The following ALK variants were observed in gnomAD, a reference collection of about 807,000 sequenced individuals.
ALK encodes ALK receptor tyrosine kinase.
Under a neutral mutation model 163.1 loss-of-function variants are expected in ALK, and 74 were observed. The ratio of observed to expected loss-of-function variants is 0.45; its 90% CI spans 0.38 to 0.55. ALK has a LOEUF of 0.55. Ranked by LOEUF, ALK falls within the 20% of genes least tolerant of loss-of-function variation. The pLI, the probability that ALK is intolerant of heterozygous loss-of-function variation, is 0.00. For missense variants in ALK, 2,063 were observed against 2,105.3 expected (o/e 0.98, Z 0.39); for synonymous variants, 960 against 843.2 (o/e 1.14, Z -2.40).
At chr2:29,560,070 A>G (rs1673978672) in intron 3 of ALK, among the ~76,000 whole-genome samples, 2 of 152,226 alleles carry the variant, frequency 1.3e-5, no homozygotes, top group East Asian at 3.8e-4. Context: ...TGTGGTTAAC[A>G]TATATCTAGC....
intron 1 of ALK, among the ~76,000 whole-genome samples, chr2:29,910,395 T>G (rs186205390): frequency 6.6e-6 from 1 of 152,218 alleles, no homozygotes. Flanking sequence ...CATAAAAGTA[T>G]AGCACAATTG....
intron 3 of ALK, among the ~76,000 whole-genome samples, chr2:29,536,460 T>C (rs1673258763): frequency 6.6e-6 from 1 of 152,186 alleles, no homozygotes; most frequent in Non-Finnish European, 1.5e-5. Context: ...TAGAAACAGA[T>C]GTCATTGCCA....
intron 1 of ALK, among the ~76,000 whole-genome samples, chr2:29,740,083 T>A (rs1045559193): frequency 6.6e-6 from 1 of 152,074 alleles, no homozygotes. Context: ...TTCCCTAGTT[T>A]AGTAGAACCT....
chr2:29,339,353 A>G (rs1182697095), intron 5 of ALK, among the ~76,000 whole-genome samples: 1 of 152,156 alleles, frequency 6.6e-6, no homozygotes, highest in Non-Finnish European at 1.5e-5. Context: ...GGAAACTGCA[A>G]GGCTGGGGGT....
chr2:29,560,946 A>G (rs1290438742), intron 3 of ALK, among the ~76,000 whole-genome samples: 1 of 152,040 alleles, frequency 6.6e-6, no homozygotes, highest in East Asian at 1.9e-4. Flanking sequence ...TAGTATACAA[A>G]TTGTACCTGA....
At chr2:29,289,094 T>C (rs6723232) in intron 9 of ALK, among the ~76,000 whole-genome samples, 1,880 of 152,276 alleles carry the variant, frequency 0.012, 27 homozygotes, top group East Asian at 0.063. Flanking sequence ...CAGTTTCTCA[T>C]TGATAAACTA....
At chr2:29,237,901 CT>C (rs1159301585) in intron 13 of ALK, among the ~76,000 whole-genome samples, 1 of 152,216 alleles carries the variant, frequency 6.6e-6, no homozygotes, top group Non-Finnish European at 1.5e-5. Flanking sequence ...ATCCCCGCCC[CT>C]AGCCACAAAG....
intron 16 of ALK, 66 bp downstream of exon 16, chr2:29,228,818 C>T: frequency 9.3e-7 from 1 of 1,072,944 alleles, no homozygotes; most frequent in South Asian, 1.3e-5. Context: ...GAGGGCAGGG[C>T]AGGGAGGTGA....
At chr2:29,516,293 C>T (rs775541752) in intron 4 of ALK, among the ~76,000 whole-genome samples, 1 of 152,180 alleles carries the variant, frequency 6.6e-6, no homozygotes, top group Non-Finnish European at 1.5e-5. Context: ...CACACCTGTC[C>T]TGAAACAGGG....
chr2:29,907,082 A>G (rs1410412940), intron 1 of ALK: 4 of 151,426 alleles, frequency 2.6e-5, no homozygotes, highest in Non-Finnish European at 5.9e-5. Flanking sequence ...CCCGAGTAGC[A>G]GAAATATTTT....
intron 1 of ALK, among the ~76,000 whole-genome samples, chr2:29,858,130 T>A (rs1419464017): frequency 6.6e-6 from 1 of 152,114 alleles, no homozygotes. Flanking sequence ...AGTTTCTGTA[T>A]CCATCACCAC....
chr2:29,450,594 G>A (rs1465161032), intron 4 of ALK, among the ~76,000 whole-genome samples: 2 of 151,756 alleles, frequency 1.3e-5, no homozygotes, highest in East Asian at 3.9e-4. Context: ...AAAAATGAAG[G>A]GTAATTCTTT....
At chr2:29,508,691 T>C (rs1672414474) in intron 4 of ALK, among the ~76,000 whole-genome samples, 1 of 43,812 alleles carries the variant, frequency 2.3e-5, no homozygotes, top group Non-Finnish European at 4.8e-5. Context: ...AAACTTAGAG[T>C]ATAATAAAAA....
At chr2:29,705,645 G>A (rs774123833) in intron 2 of ALK, among the ~76,000 whole-genome samples, 5 of 152,120 alleles carry the variant, frequency 3.3e-5, no homozygotes, top group Non-Finnish European at 5.9e-5. Flanking sequence ...AAATTTGGCT[G>A]TGCCATTACT....
chr2:29,690,119 CA>C (rs1376072270), intron 3 of ALK, among the ~76,000 whole-genome samples: 1 of 152,152 alleles, frequency 6.6e-6, no homozygotes, highest in African/African-American at 2.4e-5. Context: ...AGGAGTGCAT[CA>C]AAAATTTGAA....
At chr2:29,497,045 T>C (rs912895386) in intron 4 of ALK, among the ~76,000 whole-genome samples, 1 of 151,806 alleles carries the variant, frequency 6.6e-6, no homozygotes, top group East Asian at 1.9e-4. Context: ...CTGAGGCGGG[T>C]TTATCACCTG....
intron 1 of ALK, among the ~76,000 whole-genome samples, chr2:29,913,639 G>A (rs1021891399): frequency 6.6e-6 from 1 of 152,120 alleles, no homozygotes; most frequent in Non-Finnish European, 1.5e-5. Flanking sequence ...ATCTTTTGGA[G>A]GCAATGGCTC....
At chr2:29,519,638 A>C (rs1672760280) in intron 4 of ALK, among the ~76,000 whole-genome samples, 1 of 152,204 alleles carries the variant, frequency 6.6e-6, no homozygotes, top group African/African-American at 2.4e-5. Context: ...GAGGTTAAAC[A>C]AGAAAGTTGA....
intron 1 of ALK, among the ~76,000 whole-genome samples, chr2:29,856,314 T>C (rs1317570401): frequency 1.3e-5 from 2 of 152,186 alleles, no homozygotes. Context: ...AGAATAAAAA[T>C]GATTACTGCA....
Sources: allele counts gnomAD v4.1 joint callset (sites outside exome capture counted in the v4.1 genomes callset), GRCh38; gene constraint gnomAD v4.1.1; transcripts MANE v1.5; gene names NCBI Gene and HGNC (gene_info 2026-07-23, HGNC 2026-07-21).